PTN: variants seen among roughly 807,000 people sequenced by gnomAD.
The protein encoded by PTN is pleiotrophin, also known as heparin affin regulatory protein.
A neutral mutation model predicts 24.1 loss-of-function variants in PTN; 18 were observed. That is an observed-to-expected ratio of 0.75 (90% CI 0.52 to 1.11). The LOEUF is 1.11. Among genes scored for constraint, PTN ranks in the 50% least tolerant of loss-of-function variants. The probability of loss-of-function intolerance (pLI) is 0.00; values close to 1 mark genes in which losing one functional copy is unlikely to be tolerated. For missense variants in PTN, 163 were observed against 198.8 expected (o/e 0.82, Z 1.08); for synonymous variants, 78 against 68.6 (o/e 1.14, Z -0.67).
intron 4 of PTN, among the ~76,000 whole-genome samples, chr7:137,246,056 T>C (rs1479796436): frequency 1.3e-5 from 2 of 152,230 alleles, no homozygotes; most frequent in African/African-American, 4.8e-5. Flanking sequence ...TTATAGAGTC[T>C]ATGGTATTGT....
At chr7:137,314,358 G>A (rs1056814576) in intron 1 of PTN, among the ~76,000 whole-genome samples, 2 of 152,112 alleles carry the variant, frequency 1.3e-5, no homozygotes, top group Admixed American at 6.5e-5. Context: ...TGGCAAAGAC[G>A]AATAAGATCA....
intron 4 of PTN, among the ~76,000 whole-genome samples, chr7:137,232,054 C>T (rs1426514365): frequency 1.3e-5 from 2 of 151,838 alleles, no homozygotes; most frequent in Admixed American, 6.6e-5. Flanking sequence ...GGATTCCTAC[C>T]CTGATGTGAA....
chr7:137,238,231 T>A (rs1250184926), intron 4 of PTN, among the ~76,000 whole-genome samples: 1 of 152,120 alleles, frequency 6.6e-6, no homozygotes, highest in Non-Finnish European at 1.5e-5. Flanking sequence ...AGGACAGCCA[T>A]CCCTCAAATT....
intron 1 of PTN, among the ~76,000 whole-genome samples, chr7:137,322,017 G>A (rs929536042): frequency 5.3e-5 from 8 of 152,156 alleles, no homozygotes; most frequent in African/African-American, 1.9e-4. Flanking sequence ...ACAGAAACAT[G>A]TTTAGCTGAA....
chr7:137,343,535 C>T lies in PTN; in HGVS notation c.-98G>A, dbSNP rs780461107. On this transcript the variant is annotated 5_prime_UTR_variant, in exon 1 of 5. Coordinates refer to ENST00000348225, the MANE Select transcript of PTN (RefSeq NM_002825.7). ...TCCAGGTACCCGGCTCGCTGCAGCT[C>T]CTGCTTGGGCCGCTGCTGCTCTCCC... is the stretch of plus-strand genomic sequence containing the variant. The T allele has an allele frequency of 1.3e-5, 7 of 519,002 alleles. No homozygotes were observed. Among genetic ancestry groups the T allele is most frequent in the Non-Finnish European group, 7.7e-6 (2 of 259,870 alleles). The allele number at this position is 519,002 out of a possible 1,614,324, so 32.1% of individuals were successfully genotyped here.
intron 1 of PTN, among the ~76,000 whole-genome samples, chr7:137,323,525 C>A (rs2128881591): frequency 6.6e-6 from 1 of 152,150 alleles, no homozygotes; most frequent in East Asian, 1.9e-4. Flanking sequence ...AAGCTACTTT[C>A]AAAACATGGA....
At chr7:137,301,554 G>A (rs768703864) in intron 1 of PTN, among the ~76,000 whole-genome samples, 2 of 136,438 alleles carry the variant, frequency 1.5e-5, no homozygotes, top group Admixed American at 7.4e-5. Flanking sequence ...CAAGACAAGC[G>A]AGAAATTGTG....
intron 1 of PTN, among the ~76,000 whole-genome samples, chr7:137,276,190 G>A (rs1809356363): frequency 6.6e-6 from 1 of 152,182 alleles, no homozygotes; most frequent in South Asian, 2.1e-4. Context: ...TCTGGGAAGT[G>A]AGAATTTTGA....
At chr7:137,293,772 T>A (rs1809676735) in intron 1 of PTN, among the ~76,000 whole-genome samples, 1 of 152,014 alleles carries the variant, frequency 6.6e-6, no homozygotes, top group East Asian at 1.9e-4. Context: ...TTAATGAACT[T>A]TCGTTGACAT....
At chr7:137,236,633 A>T (rs182763787) in intron 4 of PTN, among the ~76,000 whole-genome samples, 1 of 152,232 alleles carries the variant, frequency 6.6e-6, no homozygotes, top group Non-Finnish European at 1.5e-5. Context: ...CCACAGATTC[A>T]TCGACCTCTA....
Position 137,298,095 on chromosome 7 carries a change from T to C in PTN, c.-1-43121A>G, listed in dbSNP as rs188075198. 6.6e-4 allele frequency among the ~76,000 whole-genome samples: 100 copies of C among 152,038 alleles called. 1 individual carries two copies. Among genetic ancestry groups the C allele is most frequent in the Non-Finnish European group, 1.1e-3 (73 of 67,912 alleles). ...TGGGTCAAGGATTAAGGAGCAAGAA[T>C]TGATAAAATATAGATCCACACGCAA... On this transcript the variant is annotated intron_variant, in intron 1 of 4. Coordinates refer to ENST00000348225, the MANE Select transcript of PTN (RefSeq NM_002825.7).
intron 1 of PTN, among the ~76,000 whole-genome samples, chr7:137,329,620 A>AC (rs1432348875): frequency 1.3e-5 from 2 of 152,208 alleles, no homozygotes; most frequent in Non-Finnish European, 2.9e-5. Flanking sequence ...CTCATGTCAC[A>AC]ATTTTGCACT....
At chr7:137,298,601 T>G (rs898041865) in intron 1 of PTN, among the ~76,000 whole-genome samples, 13 of 151,958 alleles carry the variant, frequency 8.6e-5, no homozygotes, top group Non-Finnish European at 1.8e-4. Context: ...GAGAACAGAC[T>G]GTTTCCATAG....
intron 1 of PTN, among the ~76,000 whole-genome samples, chr7:137,312,578 A>AT (rs1043696101): frequency 5.3e-5 from 8 of 152,014 alleles, no homozygotes; most frequent in East Asian, 3.8e-4. Context: ...TTGCCATTTA[A>AT]TTTTTTTTCT....
At chr7:137,269,624 ATTTTTT>A (rs869311084) in intron 1 of PTN, among the ~76,000 whole-genome samples, 9 of 63,010 alleles carry the variant, frequency 1.4e-4, no homozygotes, top group South Asian at 5.8e-4. Context: ...TGCTTCATCT[ATTTTTT>A]TTTTTTTTTT....
At chr7:137,269,625 T>C (rs1260912840) in intron 1 of PTN, among the ~76,000 whole-genome samples, 1 of 97,910 alleles carries the variant, frequency 1.0e-5, no homozygotes. Context: ...GCTTCATCTA[T>C]TTTTTTTTTT....
At chr7:137,303,864 T>G (rs1466756462) in intron 1 of PTN, among the ~76,000 whole-genome samples, 2 of 152,068 alleles carry the variant, frequency 1.3e-5, no homozygotes, top group Non-Finnish European at 2.9e-5. Flanking sequence ...GCCTCTTCAG[T>G]GCTGGTCTTG....
intron 1 of PTN, among the ~76,000 whole-genome samples, chr7:137,299,003 C>T (rs1203336441): frequency 2.0e-5 from 3 of 151,712 alleles, no homozygotes; most frequent in African/African-American, 7.3e-5. Flanking sequence ...TATTAAGTAC[C>T]GATAGCAAAG....
At chr7:137,299,213 G>T (rs1809767113) in intron 1 of PTN, among the ~76,000 whole-genome samples, 1 of 151,920 alleles carries the variant, frequency 6.6e-6, no homozygotes, top group Non-Finnish European at 1.5e-5. Context: ...TGCCTAAAAT[G>T]AATGTTGTCT....
Sources: allele counts gnomAD v4.1 joint callset (sites outside exome capture counted in the v4.1 genomes callset), GRCh38; gene constraint gnomAD v4.1.1; transcripts MANE v1.5; gene names NCBI Gene and HGNC (gene_info 2026-07-23, HGNC 2026-07-21).